SRPK2: variants seen among roughly 807,000 people sequenced by gnomAD.
The protein encoded by SRPK2 is SFRS protein kinase 2.
SRPK2 carries 21 observed loss-of-function variants against 90.8 expected under a neutral mutation model. That is an observed-to-expected ratio of 0.23 (90% CI 0.16 to 0.33). The LOEUF (loss-of-function observed/expected upper bound fraction) is 0.33. Among genes scored for constraint, SRPK2 ranks in the 10% least tolerant of loss-of-function variants. The pLI is 1.00. For missense variants in SRPK2, 620 were observed against 869.0 expected (o/e 0.71, Z 3.60); for synonymous variants, 288 against 311.1 (o/e 0.93, Z 0.78).
chr7:105,131,415 C>A (rs183651352), intron 13 of SRPK2, among the ~76,000 whole-genome samples: 174 of 152,328 alleles, frequency 1.1e-3, no homozygotes, highest in Middle Eastern at 3.4e-3. Context: ...GTTCTTTTAA[C>A]CGTTCTTTTC....
At chr7:105,392,705 C>T (rs1035458729), upstream of SRPK2, among the ~76,000 whole-genome samples, 1 of 151,878 alleles carries the variant, frequency 6.6e-6, no homozygotes, top group Non-Finnish European at 1.5e-5. Context: ...ACCATGTTGG[C>T]CAGGCTGGTC....
chr7:105,326,205 C>T (rs531591468), intron 2 of SRPK2, among the ~76,000 whole-genome samples: 1 of 152,204 alleles, frequency 6.6e-6, no homozygotes, highest in African/African-American at 2.4e-5. Context: ...CTAAGACCAC[C>T]TGGCCAAGCC....
chr7:105,356,260 C>T (rs1042111885), intron 2 of SRPK2, among the ~76,000 whole-genome samples: 2 of 152,120 alleles, frequency 1.3e-5, no homozygotes, highest in African/African-American at 4.8e-5. Flanking sequence ...TCTGGGTGGG[C>T]TCTCCAACTG....
At chr7:105,304,706 C>T (rs772475980) in intron 2 of SRPK2, among the ~76,000 whole-genome samples, 12 of 152,118 alleles carry the variant, frequency 7.9e-5, no homozygotes, top group Non-Finnish European at 1.3e-4. Flanking sequence ...AACTGATAAA[C>T]TGAAAAACAA....
At chr7:105,251,386 T>TA (rs968809166) in intron 2 of SRPK2, among the ~76,000 whole-genome samples, 12 of 152,126 alleles carry the variant, frequency 7.9e-5, no homozygotes, top group African/African-American at 2.7e-4. Context: ...TTTCTTTTTT[T>TA]AGAGACAGGG....
intron 15 of SRPK2, among the ~76,000 whole-genome samples, chr7:105,125,330 A>C (rs1584869709): frequency 6.6e-6 from 1 of 152,218 alleles, no homozygotes; most frequent in African/African-American, 2.4e-5. Context: ...GTAGGATGTC[A>C]TTTTTAAGAA....
intron 2 of SRPK2, among the ~76,000 whole-genome samples, chr7:105,260,491 T>C (rs1260003085): frequency 6.6e-6 from 1 of 152,210 alleles, no homozygotes; most frequent in African/African-American, 2.4e-5. Context: ...CTCAAGGATC[T>C]AGAACTAGAA....
Position 105,374,723 on chromosome 7 carries a change from G to A in SRPK2, c.71+13925C>T, listed in dbSNP as rs527591973. On this transcript the variant is annotated intron_variant, in intron 2 of 15. Transcript: ENST00000393651. ...CGGGTTCAAGCAGTTCTCCTGCCTC[G>A]CCTACGGAGGAGCTGGGAAGGGATT... is the stretch of plus-strand genomic sequence containing the variant. Among the ~76,000 whole-genome samples the A allele has an allele frequency of 3.9e-4, 59 of 152,108 alleles. 2 individuals carry two copies. The South Asian group carries it at 0.011, about 28-fold the overall frequency.
chr7:105,221,705 T>G (rs1798120040), intron 2 of SRPK2, among the ~76,000 whole-genome samples: 1 of 152,188 alleles, frequency 6.6e-6, no homozygotes, highest in African/African-American at 2.4e-5. Context: ...CATCTATCTG[T>G]GGCGCCACAT....
At chr7:105,311,187 A>G (rs919480666) in intron 2 of SRPK2, among the ~76,000 whole-genome samples, 1 of 152,172 alleles carries the variant, frequency 6.6e-6, no homozygotes, top group Admixed American at 6.5e-5. Flanking sequence ...CTTACAACCC[A>G]CCAACAAAAA....
intron 3 of SRPK2, among the ~76,000 whole-genome samples, chr7:105,202,759 T>A (rs1795717733): frequency 6.6e-6 from 1 of 152,250 alleles, no homozygotes; most frequent in Non-Finnish European, 1.5e-5. Context: ...TTTCGTTAAG[T>A]ACAATGCCAG....
At chr7:105,348,456 G>A (rs1186861429) in intron 2 of SRPK2, among the ~76,000 whole-genome samples, 2 of 131,722 alleles carry the variant, frequency 1.5e-5, no homozygotes, top group South Asian at 2.4e-4. Flanking sequence ...ATGCAGTCTC[G>A]CTCTGTTGCC....
intron 2 of SRPK2, among the ~76,000 whole-genome samples, chr7:105,330,685 G>A (rs960953352): frequency 2.6e-5 from 4 of 152,190 alleles, no homozygotes; most frequent in Non-Finnish European, 4.4e-5. Flanking sequence ...AGATTAAAAA[G>A]TGGTGGCAAG....
At chr7:105,204,079 T>A (rs1402578317) in intron 2 of SRPK2, among the ~76,000 whole-genome samples, 1 of 152,120 alleles carries the variant, frequency 6.6e-6, no homozygotes, top group African/African-American at 2.4e-5. Context: ...TGCGCTCCAC[T>A]CAACTCCTAC....
chr7:105,326,508 G>A (rs575504449), intron 2 of SRPK2, among the ~76,000 whole-genome samples: 6 of 152,234 alleles, frequency 3.9e-5, no homozygotes, highest in East Asian at 1.9e-4. Context: ...ATTACACAGC[G>A]AATAATTGGC....
chr7:105,261,815 T>C (rs2130009823), intron 2 of SRPK2, among the ~76,000 whole-genome samples: 1 of 152,280 alleles, frequency 6.6e-6, no homozygotes, highest in African/African-American at 2.4e-5. Flanking sequence ...CGCCCCACTG[T>C]CAAACAGCAG....
At chr7:105,209,870 A>T (rs1361011994) in intron 2 of SRPK2, among the ~76,000 whole-genome samples, 1 of 152,190 alleles carries the variant, frequency 6.6e-6, no homozygotes, top group Non-Finnish European at 1.5e-5. Context: ...TACACTACAA[A>T]GAAAATTCTA....
At chr7:105,346,196 T>A (rs1031727480) in intron 2 of SRPK2, among the ~76,000 whole-genome samples, 30 of 152,250 alleles carry the variant, frequency 2.0e-4, no homozygotes, top group Admixed American at 1.3e-3. Flanking sequence ...TAAAGTTTTT[T>A]AAAAAATTCC....
At chr7:105,235,997 G>A (rs369206531) in intron 2 of SRPK2, among the ~76,000 whole-genome samples, 37 of 152,330 alleles carry the variant, frequency 2.4e-4, no homozygotes, top group African/African-American at 8.7e-4. Context: ...AAAGAAACTT[G>A]AAATAGGCCT....
Sources: gnomAD v4.1 joint callset for allele counts (sites outside exome capture counted in the v4.1 genomes callset) on GRCh38, gnomAD v4.1.1 for gene constraint, MANE v1.5 for transcripts, NCBI Gene and HGNC (gene_info 2026-07-23, HGNC 2026-07-21) for gene names.